The following RORA variants were observed in gnomAD, a reference collection of about 807,000 sequenced individuals.
RORA encodes nuclear receptor ROR-alpha.
Under a neutral mutation model 69.5 loss-of-function variants are expected in RORA, and 7 were observed. That is an observed-to-expected ratio of 0.10 (90% CI 0.06 to 0.19). The LOEUF (loss-of-function observed/expected upper bound fraction) is 0.19. Ranked by LOEUF, RORA falls within the 10% of genes least tolerant of loss-of-function variation. The probability of loss-of-function intolerance (pLI) is 1.00; values close to 1 mark genes in which losing one functional copy is unlikely to be tolerated. For missense variants in RORA, 457 were observed against 663.0 expected, an observed-to-expected ratio of 0.69 and a Z score of 3.41; for synonymous variants, 261 against 240.8, an observed-to-expected ratio of 1.08 and a Z score of -0.78.
At chr15:60,597,550 A>C (rs1018196086) in intron 2 of RORA, among the ~76,000 whole-genome samples, 1 of 19,318 alleles carries the variant, frequency 5.2e-5, no homozygotes, top group Non-Finnish European at 9.0e-5. Context: ...CACACACACA[A>C]CATATATATA....
chr15:60,991,974 T>A (rs546290659), intron 1 of RORA, among the ~76,000 whole-genome samples: 1 of 151,768 alleles, frequency 6.6e-6, no homozygotes, highest in East Asian at 1.9e-4. Context: ...AACCTCAATG[T>A]CTAACAATAA....
intron 2 of RORA, among the ~76,000 whole-genome samples, chr15:60,547,286 G>A (rs895253431): frequency 6.6e-6 from 1 of 151,058 alleles, no homozygotes; most frequent in African/African-American, 2.4e-5. Flanking sequence ...CAGTGCCAAT[G>A]AGATAAGACA....
intron 1 of RORA, among the ~76,000 whole-genome samples, chr15:60,862,744 G>C (rs2073446867): frequency 6.6e-6 from 1 of 152,180 alleles, no homozygotes; most frequent in African/African-American, 2.4e-5. Context: ...TATTTAAAGG[G>C]GGAGTGAGAA....
At chr15:60,811,612 A>G (rs341367) in intron 1 of RORA, among the ~76,000 whole-genome samples, 1 of 152,140 alleles carries the variant, frequency 6.6e-6, no homozygotes, top group Admixed American at 6.5e-5. Context: ...ACAGTCAAAT[A>G]TACTTTGGAC....
chr15:60,879,040 A>G (rs2073650464), intron 1 of RORA, among the ~76,000 whole-genome samples: 1 of 152,138 alleles, frequency 6.6e-6, no homozygotes, highest in Non-Finnish European at 1.5e-5. Flanking sequence ...TGGAGTCATG[A>G]TTTCTAAAAT....
rs556962856 is a variant in RORA, at chr15:60,795,517, G to A, written c.167-116831C>T. On this transcript the variant is annotated intron_variant, in intron 1 of 10. Coordinates refer to ENST00000335670, the MANE Select transcript of RORA (RefSeq NM_134261.3). ...TGAGGGAAGGCTCAGTCTTTAAACT[G>A]TATTTCGCTGAGGCACAGTTTGATA... Among the ~76,000 whole-genome samples, 243 of 152,348 alleles carry A rather than the reference G, an allele frequency of 1.6e-3. 12 individuals are homozygous for A. In the South Asian group the frequency reaches 0.048, roughly 30 times the overall value.
intron 2 of RORA, among the ~76,000 whole-genome samples, chr15:60,634,940 C>T (rs2069808454): frequency 6.6e-6 from 1 of 152,222 alleles, no homozygotes; most frequent in Non-Finnish European, 1.5e-5. Flanking sequence ...TGATAAACAT[C>T]TCACTAGTGA....
chr15:60,781,737 T>C (rs1048918233), intron 1 of RORA, among the ~76,000 whole-genome samples: 1 of 152,172 alleles, frequency 6.6e-6, no homozygotes. Context: ...ATTATTAGTA[T>C]AATGTTAAGA....
chr15:60,867,483 G>A (rs1401702975), intron 1 of RORA, among the ~76,000 whole-genome samples: 2 of 152,156 alleles, frequency 1.3e-5, no homozygotes, highest in African/African-American at 4.8e-5. Flanking sequence ...GCACACATCA[G>A]GTGTCATATG....
intron 1 of RORA, among the ~76,000 whole-genome samples, chr15:61,125,947 G>C (rs1159873560): frequency 6.6e-6 from 1 of 152,238 alleles, no homozygotes; most frequent in Admixed American, 6.5e-5. Context: ...AAAATTTCAT[G>C]TTGGGAAGCT....
intron 1 of RORA, among the ~76,000 whole-genome samples, chr15:60,862,347 A>T (rs1016266597): frequency 1.3e-5 from 2 of 152,222 alleles, no homozygotes; most frequent in Non-Finnish European, 2.9e-5. Context: ...CTTAGCTTAG[A>T]TGTATAGATG....
At chr15:60,875,366 C>A (rs544139713) in intron 1 of RORA, among the ~76,000 whole-genome samples, 75 of 152,264 alleles carry the variant, frequency 4.9e-4, no homozygotes, top group African/African-American at 1.7e-3. Context: ...ACAACCTATA[C>A]AATTTAATGT....
rs143081631 is a variant in RORA at position 61,153,732 on chromosome 15, A to G, written c.166+75321T>C. ...CTCTTCTCTATTGCTACATGCATCA[A>G]TAATGACCTTGTGTATTTTGGATTG... On this transcript the variant is annotated intron_variant, in intron 1 of 10. Transcript: ENST00000335670. 3.4e-3 allele frequency among the ~76,000 whole-genome samples: 510 copies of G among 152,024 alleles called. 5 individuals are homozygous for G. The highest frequency in any genetic ancestry group is 0.012 in the African/African-American group (496 of 41,440).
intron 1 of RORA, among the ~76,000 whole-genome samples, chr15:61,010,831 A>C (rs2140394088): frequency 6.6e-6 from 1 of 150,378 alleles, no homozygotes; most frequent in East Asian, 1.9e-4. Context: ...GGGAGTACTC[A>C]AATAAATTTA....
chr15:60,597,136 G>A lies in RORA; in HGVS notation c.197-65285C>T, dbSNP rs1000923067. Reference sequence around the variant, plus strand: ...CGCAGCACTGTGCCACTCACTAACAGTTGATAGATGACTGCAAATCATTAG... The same window carrying A: ...CGCAGCACTGTGCCACTCACTAACAATTGATAGATGACTGCAAATCATTAG... On this transcript the variant is annotated intron_variant, in intron 2 of 10. Transcript: ENST00000335670. 2.6e-5 allele frequency among the ~76,000 whole-genome samples: 4 copies of A among 152,296 alleles called. No individual in the cohort carries two copies. In the East Asian group the frequency reaches 7.7e-4, roughly 29 times the overall value.
At chr15:61,019,340 C>T (rs1314925228) in intron 1 of RORA, among the ~76,000 whole-genome samples, 1 of 152,180 alleles carries the variant, frequency 6.6e-6, no homozygotes, top group African/African-American at 2.4e-5. Context: ...TTCATCATGC[C>T]CTTTCTTTAA....
chr15:60,886,822 C>A (rs1332563988), intron 1 of RORA, among the ~76,000 whole-genome samples: 1 of 152,208 alleles, frequency 6.6e-6, no homozygotes, highest in Non-Finnish European at 1.5e-5. Flanking sequence ...ACAACTGAGT[C>A]TCTTTCTGAA....
chr15:60,643,166 AATAC>A (rs1304898242), intron 2 of RORA, among the ~76,000 whole-genome samples: 1 of 152,290 alleles, frequency 6.6e-6, no homozygotes, highest in African/African-American at 2.4e-5. Flanking sequence ...TCTCAAAACA[AATAC>A]ATACATACAT....
At chr15:60,893,481 CT>C (rs759214496) in intron 1 of RORA, among the ~76,000 whole-genome samples, 2 of 152,338 alleles carry the variant, frequency 1.3e-5, no homozygotes, top group South Asian at 2.1e-4. Context: ...GGCACCGCCC[CT>C]GACTTTCTAT....
Sources: allele counts gnomAD v4.1 joint callset (sites outside exome capture counted in the v4.1 genomes callset), GRCh38; gene constraint gnomAD v4.1.1; transcripts MANE v1.5; gene names NCBI Gene and HGNC (gene_info 2026-07-23, HGNC 2026-07-21).